TNKS: variants seen among roughly 807,000 people sequenced by gnomAD.
TNKS encodes the protein poly [ADP-ribose] polymerase tankyrase-1.
In TNKS, 72 loss-of-function variants were observed where a neutral mutation model predicts 135.8. The observed-to-expected ratio is 0.53, with a 90% confidence interval of 0.44 to 0.64. The LOEUF is 0.64. Among genes scored for constraint, TNKS ranks in the 30% least tolerant of loss-of-function variants. The pLI, the probability that TNKS is intolerant of heterozygous loss-of-function variation, is 0.00. For missense variants in TNKS, 1,769 were observed against 1,674.0 expected, an observed-to-expected ratio of 1.06 and a Z score of -0.99; for synonymous variants, 849 against 649.3, an observed-to-expected ratio of 1.31 and a Z score of -4.68.
intron 3 of TNKS, among the ~76,000 whole-genome samples, chr8:9,672,327 G>A (rs1290789307): frequency 6.6e-6 from 1 of 152,038 alleles, no homozygotes; most frequent in African/African-American, 2.4e-5. Flanking sequence ...AATAATGGGG[G>A]CTACTGTACA....
At position 9,562,397 on chromosome 8, in the gene TNKS, T is replaced by C. The variant is rs575091063; in HGVS notation, c.673+5785T>C. 2.6e-5 allele frequency among the ~76,000 whole-genome samples: 4 copies of C among 152,268 alleles called. No homozygotes were observed. In the South Asian group the frequency reaches 8.3e-4, roughly 32 times the overall value. On this transcript the variant is annotated intron_variant, in intron 1 of 26. Transcript: ENST00000310430. ...TGACTCATCACCTGGATAAGAACTT[T>C]TATCTGGCCCCAAGTCATAGAAGTT...
chr8:9,719,106 G>A (rs1222152573), intron 11 of TNKS, among the ~76,000 whole-genome samples: 1 of 152,126 alleles, frequency 6.6e-6, no homozygotes, highest in African/African-American at 2.4e-5. Flanking sequence ...GTGCTTTTTT[G>A]TTGGTATGTA....
At chr8:9,576,540 G>A (rs1048957258) in intron 1 of TNKS, among the ~76,000 whole-genome samples, 30 of 148,564 alleles carry the variant, frequency 2.0e-4, no homozygotes, top group African/African-American at 7.0e-4. Context: ...GGGCGATCTC[G>A]GCTCACTGCA....
intron 3 of TNKS, among the ~76,000 whole-genome samples, chr8:9,649,504 GA>G (rs1447742742): frequency 2.6e-5 from 4 of 152,004 alleles, no homozygotes; most frequent in African/African-American, 7.2e-5. Context: ...GTTTTTGGGG[GA>G]CAGGTGGTGG....
intron 2 of TNKS, among the ~76,000 whole-genome samples, chr8:9,588,074 C>T (rs1163631820): frequency 6.6e-6 from 1 of 152,048 alleles, no homozygotes; most frequent in African/African-American, 2.4e-5. Context: ...CATATTTGTG[C>T]TTAAATGATT....
chr8:9,579,858 T>C (rs967402563), intron 1 of TNKS, among the ~76,000 whole-genome samples: 1 of 152,154 alleles, frequency 6.6e-6, no homozygotes, highest in Non-Finnish European at 1.5e-5. Flanking sequence ...GGAAAGTGAG[T>C]TCCTGGATAA....
chr8:9,560,466 TAG>T (rs1396501850), intron 1 of TNKS, among the ~76,000 whole-genome samples: 1 of 150,410 alleles, frequency 6.6e-6, no homozygotes, highest in African/African-American at 2.4e-5. Flanking sequence ...GACTCTTCTC[TAG>T]ATTTTTCAGC....
At chr8:9,695,789 C>T (rs2128803613) in intron 5 of TNKS, among the ~76,000 whole-genome samples, 1 of 152,100 alleles carries the variant, frequency 6.6e-6, no homozygotes, top group South Asian at 2.1e-4. Flanking sequence ...GCATAGTCTC[C>T]AAGAGAAATA....
chr8:9,719,185 G>A (rs1202548358), intron 11 of TNKS, among the ~76,000 whole-genome samples: 1 of 152,160 alleles, frequency 6.6e-6, no homozygotes, highest in East Asian at 1.9e-4. Context: ...GGAGTTTTGT[G>A]AAAGACCATC....
In TNKS at chr8:9,641,433, C is replaced by G. The variant is rs1206052740; in HGVS notation, c.994+25756C>G. Among the ~76,000 whole-genome samples the G allele has an allele frequency of 6.9e-5, 10 of 144,622 alleles. 2 individuals carry two copies. The highest frequency in any genetic ancestry group is 2.1e-4 in the African/African-American group (8 of 38,990). The allele number at this position is 144,622 out of a possible 152,430, so 94.9% of individuals were successfully genotyped here. The stretch of plus-strand genomic sequence containing the variant: ...ATGAGTCTGATTTATTTATAAATAT[C>G]TCTGCTTCATACACTGGACTCATTT... On this transcript the variant is annotated intron_variant, in intron 3 of 26. Transcript: ENST00000310430.
chr8:9,617,551 A>G (rs1338465226), intron 3 of TNKS, among the ~76,000 whole-genome samples: 14 of 152,226 alleles, frequency 9.2e-5, no homozygotes, highest in Non-Finnish European at 1.8e-4. Context: ...TTCATGCTAT[A>G]TAATGCAGTG....
At chr8:9,629,929 G>A (rs904880384) in intron 3 of TNKS, among the ~76,000 whole-genome samples, 3 of 152,038 alleles carry the variant, frequency 2.0e-5, no homozygotes, top group Non-Finnish European at 2.9e-5. Flanking sequence ...TGATCCGCCC[G>A]CCTCGGCCTC....
Position 9,751,676 on chromosome 8 carries a change from C to T in TNKS, c.2900C>T (p.Pro967Leu), listed in dbSNP as rs1245129507. Residue 967 changes from proline (P) to leucine (L), a missense_variant, in exon 19 of 27, where the codon CCT becomes CTT. This residue lies in a region of TNKS where 722 missense variants were observed against 688.9 expected (regional missense o/e 1.05). Transcript: ENST00000310430. ...GAGGCCTTACCTACCTGTTTTAAAC[C>T]TCAGGCTACTGTAGTGAGTGCCTCT... is the stretch of plus-strand genomic sequence containing the variant. The part of the protein sequence containing the change: ...PPEALPTCFK[P>L]QATVVSASLI... 7 of 1,614,018 alleles carry T rather than the reference C, an allele frequency of 4.3e-6. No individual in the cohort carries two copies. The highest frequency in any genetic ancestry group is 4.0e-5 in the African/African-American group (3 of 74,894).
chr8:9,653,180 C>G (rs1801207662), intron 3 of TNKS, among the ~76,000 whole-genome samples: 1 of 152,174 alleles, frequency 6.6e-6, no homozygotes, highest in South Asian at 2.1e-4. Context: ...GGACACAAAG[C>G]ACATTTTAAA....
intron 5 of TNKS, among the ~76,000 whole-genome samples, chr8:9,702,799 T>A (rs1179957670): frequency 1.3e-5 from 2 of 152,178 alleles, no homozygotes; most frequent in Non-Finnish European, 2.9e-5. Flanking sequence ...GTGGATCACT[T>A]GAGGTCAGGA....
chr8:9,596,010 G>A (rs978492925), intron 2 of TNKS, among the ~76,000 whole-genome samples: 5 of 152,128 alleles, frequency 3.3e-5, no homozygotes, highest in Non-Finnish European at 5.9e-5. Flanking sequence ...TACTTGGAAG[G>A]CTGAGGCAGA....
chr8:9,611,295 T>C (rs1381608758), intron 2 of TNKS, among the ~76,000 whole-genome samples: 1 of 152,246 alleles, frequency 6.6e-6, no homozygotes. Context: ...ATGGCCATAG[T>C]ACCCTTGAAT....
intron 5 of TNKS, among the ~76,000 whole-genome samples, chr8:9,690,393 C>A (rs1424312501): frequency 6.6e-6 from 1 of 152,196 alleles, no homozygotes; most frequent in Non-Finnish European, 1.5e-5. Context: ...ATCTGCTCTT[C>A]TCCCTTCCCT....
chr8:9,644,577 T>C (rs917427514), intron 3 of TNKS, among the ~76,000 whole-genome samples: 1 of 152,180 alleles, frequency 6.6e-6, no homozygotes, highest in African/African-American at 2.4e-5. Context: ...TTGTCTCCCA[T>C]GTTGTTTGGA....
Sources: gnomAD v4.1 joint callset for allele counts (sites outside exome capture counted in the v4.1 genomes callset) on GRCh38, gnomAD v4.1.1 for gene constraint, gnomAD v4.1.1 regional missense constraint, MANE v1.5 for transcripts, NCBI Gene and HGNC (gene_info 2026-07-23, HGNC 2026-07-21) for gene names.